LNPK: variants seen among roughly 807,000 people sequenced by gnomAD.
LNPK encodes the protein endoplasmic reticulum junction formation protein lunapark.
A neutral mutation model predicts 55.2 loss-of-function variants in LNPK; 29 were observed. The observed-to-expected ratio is 0.53, with a 90% CI of 0.39 to 0.72. LNPK has a LOEUF of 0.72. LNPK is among the 30% of genes least tolerant of loss of function. LNPK has a pLI of 0.00. For missense variants in LNPK, 467 were observed against 494.8 expected (o/e 0.94, Z 0.53); for synonymous variants, 162 against 168.2 (o/e 0.96, Z 0.29).
chr2:175,976,971 T>C (rs1407416716), intron 5 of LNPK, among the ~76,000 whole-genome samples: 2 of 152,142 alleles, frequency 1.3e-5, no homozygotes, highest in Non-Finnish European at 2.9e-5. Context: ...CTATTAGTCA[T>C]ATAGGGTAAA....
At chr2:175,951,702 G>C (rs1234344185) in intron 8 of LNPK, among the ~76,000 whole-genome samples, 1 of 150,740 alleles carries the variant, frequency 6.6e-6, no homozygotes, top group Non-Finnish European at 1.5e-5. Flanking sequence ...ACATGTATGT[G>C]CAAGTATCTT....
intron 9 of LNPK, among the ~76,000 whole-genome samples, 181 bp downstream of exon 9, chr2:175,947,299 A>T (rs1218141682): frequency 6.6e-6 from 1 of 152,218 alleles, no homozygotes; most frequent in Non-Finnish European, 1.5e-5. Flanking sequence ...AGGTTTCAGT[A>T]TCACAAGGTG....
intron 1 of LNPK, among the ~76,000 whole-genome samples, chr2:175,996,180 C>T (rs907401775): frequency 1.3e-5 from 2 of 152,104 alleles, no homozygotes; most frequent in Admixed American, 1.3e-4. Flanking sequence ...GTTTGAAAAG[C>T]TTTTTAAATG....
At chr2:175,947,807 A>G (rs1356171743) in intron 8 of LNPK, 115 bp from the exon 9 acceptor site, 2 of 574,924 alleles carry the variant, frequency 3.5e-6, no homozygotes, top group Non-Finnish European at 3.0e-6. Flanking sequence ...TAGTGTCAAA[A>G]TTACTTATAA....
rs1265209727 is a variant in LNPK at position 175,932,253 on chromosome 2, C to G, written c.1055-2054G>C. 3.8e-5 allele frequency: 17 copies of G among 442,084 alleles called. No individual in the cohort carries two copies. In the Admixed American group the frequency reaches 4.2e-4, roughly 11 times the overall value. The allele number at this position is 442,084 out of a possible 1,614,324, so 27.4% of individuals were successfully genotyped here. A position where few individuals can be genotyped will look rare whatever the true frequency, so the allele number is the denominator to read the frequency against. ...CAAAAATAGACTTTACTAGTCAAAGCCGATTTAATGTACAAATTCTGGGGC... is the reference window on the plus strand; with the variant it reads ...CAAAAATAGACTTTACTAGTCAAAGGCGATTTAATGTACAAATTCTGGGGC... On this transcript the variant is annotated intron_variant, in intron 12 of 12. Transcript: ENST00000272748.
intron 12 of LNPK, among the ~76,000 whole-genome samples, chr2:175,935,274 G>GT (rs934200815): frequency 6.6e-6 from 1 of 151,346 alleles, no homozygotes; most frequent in South Asian, 2.1e-4. Flanking sequence ...AAGCAGAAAA[G>GT]TTTTTTTTTC....
In LNPK at chr2:175,928,990, C is replaced by A. The variant is rs1684142018; in HGVS notation, c.*977G>T. ...AAGGAAACAAGTCTGAATAAAAGTACCATAATTTGCTCTAAGCAGAATCTA... is the reference window on the plus strand; with the variant it reads ...AAGGAAACAAGTCTGAATAAAAGTAACATAATTTGCTCTAAGCAGAATCTA... On this transcript the variant is annotated 3_prime_UTR_variant, in exon 13 of 13. Coordinates refer to ENST00000272748, the MANE Select transcript of LNPK (RefSeq NM_030650.3). The A allele has an allele frequency of 2.8e-6, 1 of 361,524 alleles. No homozygotes were observed. Among genetic ancestry groups the A allele is most frequent in the Non-Finnish European group, 3.9e-6 (1 of 259,416 alleles). The allele number at this position is 361,524 out of a possible 1,614,324, so 22.4% of individuals were successfully genotyped here.
intron 12 of LNPK, among the ~76,000 whole-genome samples, chr2:175,930,654 C>T (rs1374810551): frequency 2.2e-5 from 2 of 91,946 alleles, no homozygotes; most frequent in Non-Finnish European, 3.9e-5. Context: ...TAAATGTGTA[C>T]TTTGTGGGTG....
chr2:175,992,433 T>C lies in LNPK; in HGVS notation c.70-15A>G, dbSNP rs1206529498. The C allele has an allele frequency of 7.1e-7, 1 of 1,401,314 alleles. No individual in the cohort carries two copies. The highest frequency in any genetic ancestry group is 9.6e-7 in the Non-Finnish European group (1 of 1,044,912). The allele number at this position is 1,401,314 out of a possible 1,614,324, so 86.8% of individuals were successfully genotyped here. On this transcript the variant is annotated splice_polypyrimidine_tract_variant and intron_variant, in intron 3 of 12. Coordinates refer to ENST00000272748, the MANE Select transcript of LNPK (RefSeq NM_030650.3). ...GCTTGAATTTCCTGTTAAGAGAAAATTATTCCATGTTAGTAAATTTCAAAC... is the reference window on the plus strand; with the variant it reads ...GCTTGAATTTCCTGTTAAGAGAAAACTATTCCATGTTAGTAAATTTCAAAC...
intron 9 of LNPK, among the ~76,000 whole-genome samples, chr2:175,945,778 T>C (rs1407554584): frequency 6.6e-6 from 1 of 152,190 alleles, no homozygotes; most frequent in African/African-American, 2.4e-5. Flanking sequence ...TTCATAAAAA[T>C]ATCTTAAACC....
intron 12 of LNPK, among the ~76,000 whole-genome samples, chr2:175,931,621 G>C (rs1423467936): frequency 6.6e-6 from 1 of 152,076 alleles, no homozygotes; most frequent in Non-Finnish European, 1.5e-5. Context: ...AAATAGTAAG[G>C]AATGTCCATA....
At chr2:175,938,451 T>C (rs559181551) in intron 10 of LNPK, 68 bp from the exon 11 acceptor site, 9 of 764,710 alleles carry the variant, frequency 1.2e-5, no homozygotes, top group African/African-American at 7.1e-5. Context: ...GAGACTAATT[T>C]AGCCATCATG....
chr2:175,962,405 C>T (rs564339881), intron 8 of LNPK, among the ~76,000 whole-genome samples: 7 of 152,148 alleles, frequency 4.6e-5, no homozygotes, highest in Non-Finnish European at 1.0e-4. Context: ...CACCACACAT[C>T]TACAACCATC....
At chr2:175,950,453 T>G (rs1239401910) in intron 8 of LNPK, among the ~76,000 whole-genome samples, 1 of 152,172 alleles carries the variant, frequency 6.6e-6, no homozygotes, top group African/African-American at 2.4e-5. Flanking sequence ...GTGACAGATA[T>G]CCCAATTACC....
At chr2:175,967,644 AT>A (rs2105641944) in intron 6 of LNPK, 1 of 984,922 alleles carries the variant, frequency 1.0e-6, no homozygotes, top group Non-Finnish European at 1.2e-6. Context: ...TCCTTTTATC[AT>A]GCTGAAAATA....
intron 4 of LNPK, among the ~76,000 whole-genome samples, chr2:175,991,382 G>A (rs1376321009): frequency 6.6e-6 from 1 of 152,100 alleles, no homozygotes; most frequent in Non-Finnish European, 1.5e-5. Context: ...TAATTATTTT[G>A]CAATATTATG....
chr2:175,938,371 T>C lies in LNPK; in HGVS notation c.825A>G (p.Ile275Met). 1 of 1,595,336 alleles carries C rather than the reference T, an allele frequency of 6.3e-7. No individual in the cohort carries two copies. Among genetic ancestry groups the C allele is most frequent in the African/African-American group, 1.3e-5 (1 of 74,552 alleles). ...CATTATGAGAAAAACACTGCTGACA[T>C]ATAAGTGCATACCTACACCGTAAGG... ...GDGPQNRYAL[I>M]CQQCFSHNGM... Residue 275 changes from isoleucine to methionine, a missense_variant, in exon 11 of 13, where the codon ATA becomes ATG. Coordinates refer to ENST00000272748, the MANE Select transcript of LNPK (RefSeq NM_030650.3).
intron 6 of LNPK, among the ~76,000 whole-genome samples, chr2:175,969,310 A>C (rs929670205): frequency 8.5e-5 from 13 of 152,234 alleles, no homozygotes; most frequent in African/African-American, 2.9e-4. Flanking sequence ...GTCAGACTTA[A>C]AATGAAACAT....
intron 9 of LNPK, among the ~76,000 whole-genome samples, chr2:175,944,346 T>C (rs1685014890): frequency 6.6e-6 from 1 of 151,894 alleles, no homozygotes; most frequent in Non-Finnish European, 1.5e-5. Context: ...TAATGGTGAG[T>C]TGGGAGTGGA....
Sources: gnomAD v4.1 joint callset for allele counts (sites outside exome capture counted in the v4.1 genomes callset) on GRCh38, gnomAD v4.1.1 for gene constraint, MANE v1.5 for transcripts, NCBI Gene and HGNC (gene_info 2026-07-23, HGNC 2026-07-21) for gene names.